PRKG1: variants seen among roughly 807,000 people sequenced by gnomAD.
PRKG1 encodes protein kinase cGMP-dependent 1, also known as cGMP-dependent protein kinase 1.
A neutral mutation model predicts 88.1 loss-of-function variants in PRKG1; 35 were observed. The observed-to-expected ratio is 0.40, with a 90% CI of 0.30 to 0.53. The LOEUF is 0.53. Among genes scored for constraint, PRKG1 ranks in the 20% least tolerant of loss-of-function variants. The pLI is 0.59. For missense variants in PRKG1, 540 were observed against 839.8 expected (o/e 0.64, Z 4.41); for synonymous variants, 303 against 292.5 (o/e 1.04, Z -0.37).
chr10:51,987,360 T>A, intron 5 of PRKG1, among the ~76,000 whole-genome samples: 1 of 151,726 alleles, frequency 6.6e-6, no homozygotes, highest in Non-Finnish European at 1.5e-5. Flanking sequence ...ACTACTGCAG[T>A]CATCTGGCAA....
At chr10:51,856,965 C>CT (rs1810141631) in intron 4 of PRKG1, among the ~76,000 whole-genome samples, 1 of 54,880 alleles carries the variant, frequency 1.8e-5, no homozygotes, top group African/African-American at 4.6e-5. Context: ...CTCCGTCTTA[C>CT]TAAAAAAAAG....
At chr10:51,151,338 A>T (rs1846067210) in intron 1 of PRKG1, among the ~76,000 whole-genome samples, 1 of 151,970 alleles carries the variant, frequency 6.6e-6, no homozygotes, top group Non-Finnish European at 1.5e-5. Flanking sequence ...TGAAGATAAT[A>T]CTGCAATTAA....
rs536180549 is a variant in PRKG1 at position 51,217,792 on chromosome 10, T to A, written c.478+64462T>A. Among the ~76,000 whole-genome samples, 5 of 152,256 alleles carry A rather than the reference T, an allele frequency of 3.3e-5. No individual in the cohort carries two copies. The East Asian group carries it at 9.6e-4, about 29-fold the overall frequency. On this transcript the variant is annotated intron_variant, in intron 2 of 17. Transcript: ENST00000373980. ...TGCAGTTATTTGAATTCAGATCTGA[T>A]TATGGATGGCAAATGTATAGCAAGA...
At chr10:51,978,010 A>T (rs1281283062) in intron 5 of PRKG1, among the ~76,000 whole-genome samples, 1 of 152,012 alleles carries the variant, frequency 6.6e-6, no homozygotes, top group Non-Finnish European at 1.5e-5. Flanking sequence ...TTTTGTTGCA[A>T]TTGCTTTGGC....
At position 52,097,734 on chromosome 10, in the gene PRKG1, C is replaced by T. The variant is rs188976564; in HGVS notation, c.935+35103C>T. On this transcript the variant is annotated intron_variant, in intron 7 of 17. Coordinates refer to ENST00000373980, the MANE Select transcript of PRKG1 (RefSeq NM_006258.4). ...TTACATCCTAAAGCTAATTATTTTGCGAATGGTGTGGTGATTTTAATAGGC... is the reference window on the plus strand; with the variant it reads ...TTACATCCTAAAGCTAATTATTTTGTGAATGGTGTGGTGATTTTAATAGGC... Among the ~76,000 whole-genome samples, 471 of 148,432 alleles carry T rather than the reference C, an allele frequency of 3.2e-3. 2 individuals carry two copies. The highest frequency in any genetic ancestry group is 5.1e-3 in the Non-Finnish European group (342 of 67,304).
chr10:51,642,835 T>C (rs1839832699), intron 3 of PRKG1, among the ~76,000 whole-genome samples: 1 of 152,222 alleles, frequency 6.6e-6, no homozygotes, highest in Admixed American at 6.5e-5. Flanking sequence ...AACTGAACGC[T>C]GTCTGGAAAC....
At chr10:51,258,598 G>C (rs1486779293) in intron 2 of PRKG1, among the ~76,000 whole-genome samples, 2 of 152,228 alleles carry the variant, frequency 1.3e-5, no homozygotes, top group African/African-American at 4.8e-5. Context: ...ACCTCTGTGA[G>C]GTGTAAGTCC....
rs779298994 is a variant in PRKG1, at chr10:51,447,741, C to A, written c.479-19982C>A. Among the ~76,000 whole-genome samples, 90 of 152,090 alleles carry A rather than the reference C, an allele frequency of 5.9e-4. 2 individuals are homozygous for A. The highest frequency in any genetic ancestry group is 1.1e-3 in the Non-Finnish European group (73 of 67,978). On this transcript the variant is annotated intron_variant, in intron 2 of 17. Transcript: ENST00000373980. The stretch of plus-strand genomic sequence containing the variant: ...ACAGGGCTTGAATTTTTGCCTAATT[C>A]TCTTCTGCAGGAAGTCATAACTAAC...
intron 3 of PRKG1, among the ~76,000 whole-genome samples, chr10:51,664,054 T>C (rs1202575064): frequency 6.6e-6 from 1 of 152,122 alleles, no homozygotes; most frequent in East Asian, 1.9e-4. Context: ...GAAATAGAGA[T>C]AAGTGTTATT....
chr10:52,005,770 T>C (rs79604611), intron 5 of PRKG1, among the ~76,000 whole-genome samples: 2,924 of 152,202 alleles, frequency 0.019, 76 homozygotes, highest in African/African-American at 0.06. Flanking sequence ...TTACCTCCCA[T>C]AGCCAAATGA....
chr10:51,590,897 A>G (rs951718439), intron 3 of PRKG1, among the ~76,000 whole-genome samples: 1 of 152,210 alleles, frequency 6.6e-6, no homozygotes, highest in Non-Finnish European at 1.5e-5. Context: ...TTTCTTCAAA[A>G]CTTTATTGAA....
intron 5 of PRKG1, among the ~76,000 whole-genome samples, chr10:52,038,174 G>A (rs1175484734): frequency 1.3e-5 from 2 of 152,106 alleles, no homozygotes; most frequent in Non-Finnish European, 2.9e-5. Context: ...GTGAGTTGAA[G>A]AGGTTTTAAG....
chr10:51,185,037 G>T (rs942002506), intron 2 of PRKG1, among the ~76,000 whole-genome samples: 5 of 152,094 alleles, frequency 3.3e-5, no homozygotes, highest in African/African-American at 1.2e-4. Context: ...AATTCATTTT[G>T]ATAATTGTGA....
chr10:51,662,618 TG>T (rs2132333121), intron 3 of PRKG1, among the ~76,000 whole-genome samples: 1 of 152,240 alleles, frequency 6.6e-6, no homozygotes, highest in East Asian at 1.9e-4. Context: ...ACTTTCTTTT[TG>T]GGAAAGTTTG....
At chr10:51,718,648 T>C (rs1291046543) in intron 3 of PRKG1, among the ~76,000 whole-genome samples, 2 of 152,152 alleles carry the variant, frequency 1.3e-5, no homozygotes, top group African/African-American at 2.4e-5. Flanking sequence ...AGGAAGGAAG[T>C]ACAAATCTTT....
At chr10:51,026,484 C>T (rs755001530) in intron 1 of PRKG1, among the ~76,000 whole-genome samples, 1 of 152,258 alleles carries the variant, frequency 6.6e-6, no homozygotes. Context: ...GATGATCTTG[C>T]ACCTCACTTT....
intron 5 of PRKG1, among the ~76,000 whole-genome samples, chr10:51,941,359 G>C (rs1181806146): frequency 6.6e-6 from 1 of 151,886 alleles, no homozygotes; most frequent in South Asian, 2.1e-4. Context: ...ACAATATTCT[G>C]TCTCAGTCAC....
At chr10:51,662,392 C>T (rs1290035390) in intron 3 of PRKG1, among the ~76,000 whole-genome samples, 1 of 151,992 alleles carries the variant, frequency 6.6e-6, no homozygotes, top group East Asian at 1.9e-4. Context: ...TAAAAGTAAT[C>T]CTTCAAACCA....
chr10:52,182,543 T>C (rs1322096795), intron 9 of PRKG1, among the ~76,000 whole-genome samples: 1 of 110,566 alleles, frequency 9.0e-6, no homozygotes, highest in Non-Finnish European at 1.9e-5. Flanking sequence ...GCCTAGGTTT[T>C]CTTCTAGGGT....
Sources: gnomAD v4.1 joint callset for allele counts (sites outside exome capture counted in the v4.1 genomes callset) on GRCh38, gnomAD v4.1.1 for gene constraint, MANE v1.5 for transcripts, NCBI Gene and HGNC (gene_info 2026-07-23, HGNC 2026-07-21) for gene names.